The following DESI2 variants were observed in gnomAD, a reference collection of about 807,000 sequenced individuals.
DESI2 encodes the protein desumoylating isopeptidase 2, also known as deubiquitinase DESI2.
Under a neutral mutation model 24.1 loss-of-function variants are expected in DESI2, and 10 were observed. The observed-to-expected ratio is 0.41, with a 90% confidence interval of 0.26 to 0.70. The LOEUF (loss-of-function observed/expected upper bound fraction) is 0.70, where lower values mean the gene tolerates loss of function less well. Among genes scored for constraint, DESI2 ranks in the 30% least tolerant of loss-of-function variants. The pLI, the probability that DESI2 is intolerant of heterozygous loss-of-function variation, is 0.29. For synonymous variants in DESI2, 71 were observed against 87.7 expected, an observed-to-expected ratio of 0.81 and a Z score of 1.06; for missense variants, 122 against 234.9, an observed-to-expected ratio of 0.52 and a Z score of 3.14.
chr1:244,658,118 A>C (rs1487971502), intron 1 of DESI2, among the ~76,000 whole-genome samples: 4 of 152,220 alleles, frequency 2.6e-5, no homozygotes, highest in African/African-American at 9.7e-5. Context: ...ATCTCTATTC[A>C]TATAATAGCC....
At chr1:244,656,555 G>A (rs1452281350) in intron 1 of DESI2, 1 of 152,136 alleles carries the variant, frequency 6.6e-6, no homozygotes, top group Non-Finnish European at 1.5e-5. Context: ...GCTTGTTCAC[G>A]TATTCCTAAT....
intron 1 of DESI2, among the ~76,000 whole-genome samples, chr1:244,680,374 G>A (rs558817794): frequency 2.6e-4 from 40 of 151,562 alleles, no homozygotes; most frequent in Middle Eastern, 3.4e-3. Flanking sequence ...TGCCTGCAGT[G>A]AACCGAGATC....
At position 244,706,557 on chromosome 1, in the gene DESI2, G is replaced by A. The variant is rs1040787359; in HGVS notation, c.*768G>A. ...AGATATTCTTGGTAGTAACTGACAA[G>A]TATGTTGCACATGTATTGGGGGAGG... On this transcript the variant is annotated 3_prime_UTR_variant, in exon 5 of 5. Coordinates refer to ENST00000302550, the MANE Select transcript of DESI2 (RefSeq NM_016076.5). The A allele has an allele frequency of 6.6e-6, 1 of 152,622 alleles. No homozygotes were observed. Among genetic ancestry groups the A allele is most frequent in the Non-Finnish European group, 1.5e-5 (1 of 68,040 alleles). The allele number at this position is 152,622 out of a possible 1,614,324, so 9.5% of individuals were successfully genotyped here. A position where few individuals can be genotyped will look rare whatever the true frequency, so the allele number is the denominator to read the frequency against.
intron 1 of DESI2, among the ~76,000 whole-genome samples, chr1:244,683,406 G>A (rs1391424813): frequency 6.6e-6 from 1 of 151,904 alleles, no homozygotes; most frequent in East Asian, 1.9e-4. Context: ...CCGCCTCCCA[G>A]GTTCATGCCA....
rs183641400 is a variant in DESI2, at chr1:244,667,506, A to T, written c.42+14151A>T. Among the ~76,000 whole-genome samples the T allele has an allele frequency of 1.3e-4, 20 of 152,290 alleles. 1 individual carries two copies. Among genetic ancestry groups the T allele is most frequent in the African/African-American group, 4.1e-4 (17 of 41,548 alleles). ...GATCCTTACAATGATATTGTATGCT[A>T]GGTATTATTACTATTCCCATTTTAG... is the stretch of plus-strand genomic sequence containing the variant. On this transcript the variant is annotated intron_variant, in intron 1 of 4. Transcript: ENST00000302550.
intron 1 of DESI2, among the ~76,000 whole-genome samples, chr1:244,676,395 A>C (rs894996084): frequency 6.6e-6 from 1 of 152,026 alleles, no homozygotes; most frequent in Non-Finnish European, 1.5e-5. Flanking sequence ...ATTTTTATAT[A>C]TTGATCTTGT....
At chr1:244,674,304 C>T (rs568355552) in intron 1 of DESI2, among the ~76,000 whole-genome samples, 1 of 139,028 alleles carries the variant, frequency 7.2e-6, no homozygotes, top group South Asian at 2.4e-4. Flanking sequence ...ATTTACTTTA[C>T]TTCTATTCAT....
intron 1 of DESI2, among the ~76,000 whole-genome samples, chr1:244,676,043 A>G (rs1293206684): frequency 1.3e-5 from 2 of 151,350 alleles, no homozygotes; most frequent in Non-Finnish European, 2.9e-5. Context: ...TCTTAATTTC[A>G]TTTTTTGAGT....
chr1:244,674,279 T>C (rs1676342917), intron 1 of DESI2, among the ~76,000 whole-genome samples: 1 of 151,806 alleles, frequency 6.6e-6, no homozygotes, highest in South Asian at 2.1e-4. Flanking sequence ...AGGCGTGAGC[T>C]ACTGCACCCG....
chr1:244,686,943 C>G (rs759065922), intron 2 of DESI2, among the ~76,000 whole-genome samples: 2 of 151,904 alleles, frequency 1.3e-5, no homozygotes, highest in African/African-American at 2.4e-5. Flanking sequence ...AAATATTTTC[C>G]TTTTGTGATT....
chr1:244,670,708 A>G (rs1028921020), intron 1 of DESI2, among the ~76,000 whole-genome samples: 4 of 152,224 alleles, frequency 2.6e-5, no homozygotes, highest in Non-Finnish European at 4.4e-5. Context: ...CAACCAAGAC[A>G]TTCTGGCTCC....
chr1:244,679,430 CTTCA>C (rs1465904343), intron 1 of DESI2, among the ~76,000 whole-genome samples: 1 of 152,174 alleles, frequency 6.6e-6, no homozygotes, highest in Admixed American at 6.5e-5. Flanking sequence ...TGTATATACC[CTTCA>C]TTCAGATGTA....
chr1:244,687,110 G>A (rs955315405), intron 2 of DESI2, among the ~76,000 whole-genome samples: 3 of 152,262 alleles, frequency 2.0e-5, no homozygotes, highest in Middle Eastern at 3.4e-3. Flanking sequence ...GGGAATTTCA[G>A]TAATAAATTT....
At chr1:244,677,666 G>C (rs1676457474) in intron 1 of DESI2, among the ~76,000 whole-genome samples, 1 of 152,120 alleles carries the variant, frequency 6.6e-6, no homozygotes, top group Admixed American at 6.5e-5. Context: ...TGTAATCCCA[G>C]CACTTGTGGA....
At position 244,663,184 on chromosome 1, in the gene DESI2, T is replaced by G. The variant is rs1573181511; in HGVS notation, c.42+9829T>G. ...ACCAAAGCCTGGTTTAACTTGCAGT[T>G]TTTTTTTTTCCTTTTTTTTGACATG... On this transcript the variant is annotated intron_variant, in intron 1 of 4. Transcript: ENST00000302550. 2.0e-5 allele frequency among the ~76,000 whole-genome samples: 3 copies of G among 150,166 alleles called. No homozygotes were observed. The South Asian group carries it at 6.3e-4, about 31-fold the overall frequency.
Position 244,705,743 on chromosome 1 carries a change from C to T in DESI2, c.539C>T (p.Ala180Val), listed in dbSNP as rs142468447. The T allele has an allele frequency of 4.5e-3, 7,222 of 1,613,442 alleles. 36 individuals are homozygous for T. Among genetic ancestry groups the T allele is most frequent in the Non-Finnish European group, 5.0e-3 (5,868 of 1,180,016 alleles). ...AEDAAASASVASTAAGSRPGR... is the reference protein window; with the variant it reads ...AEDAAASASVVSTAAGSRPGR... ...GATGCTGCCGCATCCGCTTCCGTGG[C>T]AAGCACTGCAGCAGGCTCCAGACCC... The change falls in exon 5 of 5, where the codon GCA becomes GTA. Residue 180 changes from alanine to valine, a missense_variant. Around this residue, in one of 6 missense-constraint regions of DESI2, gnomAD observed 56 missense variants for 67.9 expected, o/e 0.82. Coordinates refer to ENST00000302550, the MANE Select transcript of DESI2 (RefSeq NM_016076.5).
intron 1 of DESI2, among the ~76,000 whole-genome samples, chr1:244,658,117 C>A (rs1001043637): frequency 1.3e-5 from 2 of 152,190 alleles, no homozygotes; most frequent in Admixed American, 1.3e-4. Context: ...CATCTCTATT[C>A]ATATAATAGC....
In DESI2 at chr1:244,708,227, C is replaced by G. The variant is rs896168433; in HGVS notation, c.*2438C>G. The G allele has an allele frequency of 6.6e-6, 1 of 152,398 alleles. No homozygotes were observed. The highest frequency in any genetic ancestry group is 6.5e-5 in the Admixed American group (1 of 15,274). The allele number at this position is 152,398 out of a possible 1,614,324, so 9.4% of individuals were successfully genotyped here. A position where few individuals can be genotyped will look rare whatever the true frequency, so the allele number is the denominator to read the frequency against. The stretch of plus-strand genomic sequence containing the variant: ...TCTTTGTTGTCACCAAGTGAACATA[C>G]TTCTCATGGTGGGTTGGACAGTAAT... On this transcript the variant is annotated 3_prime_UTR_variant, in exon 5 of 5. Coordinates refer to ENST00000302550, the MANE Select transcript of DESI2 (RefSeq NM_016076.5).
chr1:244,678,275 C>G (rs918943010), intron 1 of DESI2, among the ~76,000 whole-genome samples: 4 of 152,160 alleles, frequency 2.6e-5, no homozygotes, highest in African/African-American at 2.4e-5. Context: ...CAGTTTTCCC[C>G]TTTATAAAAT....
Sources: allele counts gnomAD v4.1 joint callset (sites outside exome capture counted in the v4.1 genomes callset), GRCh38; gene constraint gnomAD v4.1.1; regional missense constraint gnomAD v4.1.1; transcripts MANE v1.5; gene names NCBI Gene and HGNC (gene_info 2026-07-23, HGNC 2026-07-21).